CSMD1: variants seen among roughly 807,000 people sequenced by gnomAD.
The protein encoded by CSMD1 is CUB and sushi domain-containing protein 1.
Under a neutral mutation model 417.5 loss-of-function variants are expected in CSMD1, and 213 were observed. The ratio of observed to expected loss-of-function variants is 0.51; its 90% CI spans 0.46 to 0.57. The LOEUF is 0.57. CSMD1 is among the 20% of genes least tolerant of loss of function. CSMD1 has a pLI of 0.00. For synonymous variants in CSMD1, 2,862 were observed against 1,736.8 expected, an observed-to-expected ratio of 1.65 and a Z score of -16.11; for missense variants, 6,923 against 4,529.7, an observed-to-expected ratio of 1.53 and a Z score of -15.17.
intron 50 of CSMD1, among the ~76,000 whole-genome samples, chr8:3,032,150 T>C (rs1810383287): frequency 6.6e-6 from 1 of 151,966 alleles, no homozygotes; most frequent in Non-Finnish European, 1.5e-5. Context: ...AAAGTCCATC[T>C]TGTCCTTTGT....
At chr8:4,723,691 C>T (rs1264288283) in intron 1 of CSMD1, among the ~76,000 whole-genome samples, 1 of 149,230 alleles carries the variant, frequency 6.7e-6, no homozygotes, top group Non-Finnish European at 1.5e-5. Flanking sequence ...TGTTGAATTT[C>T]TGATGAAAAT....
chr8:3,028,269 G>A (rs1563254245), intron 51 of CSMD1, among the ~76,000 whole-genome samples: 1 of 152,178 alleles, frequency 6.6e-6, no homozygotes, highest in African/African-American at 2.4e-5. Flanking sequence ...CCTTACCGGT[G>A]CTAATGCTGG....
intron 3 of CSMD1, among the ~76,000 whole-genome samples, chr8:4,397,934 A>G (rs1172010222): frequency 6.6e-6 from 1 of 152,174 alleles, no homozygotes; most frequent in East Asian, 1.9e-4. Flanking sequence ...AAAACATTCT[A>G]GAGTAGGAAA....
chr8:3,936,004 G>T (rs1353997583), intron 5 of CSMD1, among the ~76,000 whole-genome samples: 1 of 152,152 alleles, frequency 6.6e-6, no homozygotes, highest in Non-Finnish European at 1.5e-5. Context: ...GAATGCAAAT[G>T]ATAAGAAAGG....
intron 37 of CSMD1, among the ~76,000 whole-genome samples, chr8:3,166,704 T>G (rs144463237): frequency 6.6e-6 from 1 of 152,222 alleles, no homozygotes; most frequent in East Asian, 1.9e-4. Context: ...TAGACATTTA[T>G]AAGTATTTAT....
At chr8:4,394,597 T>G (rs771063529) in intron 3 of CSMD1, among the ~76,000 whole-genome samples, 13 of 152,142 alleles carry the variant, frequency 8.5e-5, no homozygotes, top group Non-Finnish European at 1.9e-4. Context: ...CCCCAGTAGC[T>G]GCAGGAAGGT....
At chr8:3,027,279 G>C (rs1810002080) in intron 51 of CSMD1, among the ~76,000 whole-genome samples, 1 of 152,062 alleles carries the variant, frequency 6.6e-6, no homozygotes, top group Admixed American at 6.6e-5. Flanking sequence ...GCATTCCCTG[G>C]TGTGGAATTG....
At chr8:4,862,124 G>T (rs895624622) in intron 1 of CSMD1, among the ~76,000 whole-genome samples, 2 of 152,030 alleles carry the variant, frequency 1.3e-5, no homozygotes, top group Non-Finnish European at 2.9e-5. Context: ...CAGCTCTAAG[G>T]GTCTGGGGAC....
intron 1 of CSMD1, among the ~76,000 whole-genome samples, chr8:4,717,454 C>A (rs1007034220): frequency 6.8e-6 from 1 of 147,216 alleles, no homozygotes; most frequent in Non-Finnish European, 1.5e-5. Flanking sequence ...TATACACACA[C>A]TATATATATA....
At chr8:4,212,042 C>A (rs758019389) in intron 3 of CSMD1, among the ~76,000 whole-genome samples, 1 of 151,886 alleles carries the variant, frequency 6.6e-6, no homozygotes, top group Admixed American at 6.6e-5. Context: ...AATAAAAGGA[C>A]CTTAATAATT....
intron 10 of CSMD1, among the ~76,000 whole-genome samples, chr8:3,536,954 G>A (rs927124287): frequency 2.0e-5 from 3 of 152,138 alleles, no homozygotes; most frequent in Admixed American, 6.5e-5. Context: ...TTTACTGGGA[G>A]CTTTCACATG....
intron 3 of CSMD1, among the ~76,000 whole-genome samples, chr8:4,140,035 A>G (rs1477553756): frequency 6.6e-6 from 1 of 150,964 alleles, no homozygotes; most frequent in African/African-American, 2.5e-5. Context: ...GCCTGGAAGG[A>G]TAGAAGACAC....
At chr8:3,607,457 T>C (rs1404473168) in intron 8 of CSMD1, among the ~76,000 whole-genome samples, 1 of 152,200 alleles carries the variant, frequency 6.6e-6, no homozygotes, top group Admixed American at 6.5e-5. Flanking sequence ...ACTAAGACAG[T>C]CATTGATTCT....
intron 1 of CSMD1, among the ~76,000 whole-genome samples, chr8:4,712,132 G>A (rs1584981878): frequency 6.6e-6 from 1 of 152,328 alleles, no homozygotes; most frequent in Admixed American, 6.5e-5. Flanking sequence ...GACCGTGGTT[G>A]AAGCTGGATG....
In CSMD1 at chr8:4,490,819, A is replaced by C. The variant is rs547317742; in HGVS notation, c.303-70754T>G. Among the ~76,000 whole-genome samples the C allele has an allele frequency of 1.6e-4, 24 of 152,364 alleles. No individual in the cohort carries two copies. In the South Asian group the frequency reaches 4.8e-3, roughly 30 times the overall value. On this transcript the variant is annotated intron_variant, in intron 2 of 69. Coordinates refer to ENST00000635120, the MANE Select transcript of CSMD1 (RefSeq NM_033225.6). The stretch of plus-strand genomic sequence containing the variant: ...TTCTAGGTGTTTCTGTTTTCTCACA[A>C]ATAAAGTCGGAAACACATTATCCTC...
intron 12 of CSMD1, among the ~76,000 whole-genome samples, chr8:3,462,325 G>C (rs534259994): frequency 6.6e-6 from 1 of 152,128 alleles, no homozygotes; most frequent in African/African-American, 2.4e-5. Context: ...TAAGGCAAGG[G>C]TTCCCAACCC....
intron 1 of CSMD1, among the ~76,000 whole-genome samples, chr8:4,902,046 C>A (rs1804906733): frequency 6.6e-6 from 1 of 152,086 alleles, no homozygotes. Context: ...GTGGCTTTGG[C>A]TATATGGACT....
At chr8:4,193,865 G>A (rs779131) in intron 3 of CSMD1, among the ~76,000 whole-genome samples, 24,141 of 151,852 alleles carry the variant, frequency 0.16, 2,073 homozygotes, top group Middle Eastern at 0.24. Flanking sequence ...CTTCAGCACC[G>A]AGAAGCCTCA....
intron 54 of CSMD1, among the ~76,000 whole-genome samples, chr8:2,994,350 T>C (rs927214706): frequency 1.1e-4 from 16 of 152,148 alleles, no homozygotes; most frequent in African/African-American, 2.2e-4. Flanking sequence ...CAGAGTAACA[T>C]TGCCTTGCAG....
Sources: allele counts gnomAD v4.1 joint callset (sites outside exome capture counted in the v4.1 genomes callset), GRCh38; gene constraint gnomAD v4.1.1; transcripts MANE v1.5; gene names NCBI Gene and HGNC (gene_info 2026-07-23, HGNC 2026-07-21).